Variants in NTNG1 observed in about 807,000 individuals in gnomAD.
NTNG1 encodes the protein netrin G1, also known as netrin-G1.
A neutral mutation model predicts 54.0 loss-of-function variants in NTNG1; 16 were observed. That is an observed-to-expected ratio of 0.30 (90% CI 0.20 to 0.45). The LOEUF (loss-of-function observed/expected upper bound fraction) is 0.45. NTNG1 is among the 20% of genes least tolerant of loss of function. The pLI is 1.00. For synonymous variants in NTNG1, 255 were observed against 263.1 expected (o/e 0.97, Z 0.30); for missense variants, 530 against 678.7 (o/e 0.78, Z 2.43).
chr1:107,170,505 T>A (rs1203192840), intron 2 of NTNG1, among the ~76,000 whole-genome samples: 2 of 152,040 alleles, frequency 1.3e-5, no homozygotes, highest in African/African-American at 2.4e-5. Flanking sequence ...AAGCAAAAAA[T>A]TTTTGTCACT....
At chr1:107,290,868 TA>T (rs1420190119) in intron 2 of NTNG1, among the ~76,000 whole-genome samples, 2 of 149,900 alleles carry the variant, frequency 1.3e-5, no homozygotes, top group Non-Finnish European at 3.0e-5. Flanking sequence ...ATATATTGAA[TA>T]AAAAAAGGAA....
intron 2 of NTNG1, among the ~76,000 whole-genome samples, chr1:107,298,316 CTT>C (rs148059940): frequency 0.042 from 6,378 of 152,178 alleles, 149 homozygotes; most frequent in Non-Finnish European, 0.052. Context: ...AGGAAAGTCA[CTT>C]TACTTCGACA....
chr1:107,483,161 A>T lies in NTNG1; in HGVS notation c.*2321A>T, dbSNP rs1198529792. ...TTAAGTTGTCTTATAGTTTATTAGC[A>T]CAAACCAAAGGCAGCCCATGTTATT... is the stretch of plus-strand genomic sequence containing the variant. On this transcript the variant is annotated 3_prime_UTR_variant, in exon 8 of 8. Coordinates refer to ENST00000370068, the MANE Select transcript of NTNG1 (RefSeq NM_001113226.3). 2.0e-5 allele frequency: 3 copies of T among 152,238 alleles called. No homozygotes were observed. Among genetic ancestry groups the T allele is most frequent in the Non-Finnish European group, 2.9e-5 (2 of 68,052 alleles). The allele number at this position is 152,238 out of a possible 1,614,324, so 9.4% of individuals were successfully genotyped here.
intron 2 of NTNG1, among the ~76,000 whole-genome samples, chr1:107,290,951 CATATATATATATT>C (rs1354869178): frequency 7.4e-6 from 1 of 135,100 alleles, no homozygotes; most frequent in African/African-American, 3.1e-5. Context: ...TTTTAAAGTG[CATATATATATATT>C]ATATATATAT....
intron 3 of NTNG1, among the ~76,000 whole-genome samples, chr1:107,329,914 AATG>A (rs935564026): frequency 1.5e-4 from 23 of 152,140 alleles, no homozygotes; most frequent in Non-Finnish European, 2.6e-4. Context: ...ACAAAAAAAA[AATG>A]ATGATAATGT....
intron 2 of NTNG1, among the ~76,000 whole-genome samples, chr1:107,263,272 G>GCTTCCTTCCTTCCTTC (rs58443542): frequency 7.5e-4 from 109 of 146,270 alleles, no homozygotes; most frequent in African/African-American, 2.5e-3. Context: ...AGGTTAGCTT[G>GCTTCCTTCCTTCCTTC]CTTCCTTCCT....
chr1:107,343,711 C>T (rs958734801), intron 3 of NTNG1, among the ~76,000 whole-genome samples: 3 of 152,092 alleles, frequency 2.0e-5, no homozygotes, highest in African/African-American at 7.2e-5. Context: ...TGGAGATGGG[C>T]AGCCCTGCAG....
At chr1:107,158,491 A>G (rs1461628268) in intron 2 of NTNG1, among the ~76,000 whole-genome samples, 1 of 152,188 alleles carries the variant, frequency 6.6e-6, no homozygotes, top group Admixed American at 6.6e-5. Context: ...TTGCTCCAGT[A>G]CAAAGAAATA....
rs148361405 is a variant in NTNG1, at chr1:107,432,670, A to G, written c.1255+1753A>G. Among the ~76,000 whole-genome samples, 871 of 152,294 alleles carry G rather than the reference A, an allele frequency of 5.7e-3. 12 individuals are homozygous for G. Among genetic ancestry groups the G allele is most frequent in the African/African-American group, 0.02 (832 of 41,566 alleles). ...CTATAGATAGGTAAACACCAGAAAA[A>G]CTAAAATAAATAGGAACACAGGATA... On this transcript the variant is annotated intron_variant, in intron 6 of 7. Coordinates refer to ENST00000370068, the MANE Select transcript of NTNG1 (RefSeq NM_001113226.3).
intron 2 of NTNG1, among the ~76,000 whole-genome samples, chr1:107,295,440 TA>T (rs1401125866): frequency 2.0e-5 from 3 of 152,198 alleles, no homozygotes; most frequent in African/African-American, 7.2e-5. Flanking sequence ...CCCTGTGCCA[TA>T]ATGAAGCTGC....
intron 7 of NTNG1, among the ~76,000 whole-genome samples, chr1:107,456,313 G>A (rs932638761): frequency 1.3e-5 from 2 of 152,112 alleles, no homozygotes; most frequent in Admixed American, 1.3e-4. Flanking sequence ...GAGCTAGCTG[G>A]GTTTAACAAA....
At chr1:107,445,461 T>C (rs999281385) in intron 7 of NTNG1, among the ~76,000 whole-genome samples, 3 of 152,274 alleles carry the variant, frequency 2.0e-5, no homozygotes, top group South Asian at 2.1e-4. Context: ...GAGCCCTTTG[T>C]ATGTGTCGGG....
chr1:107,171,896 CTT>C (rs11306051), intron 2 of NTNG1, among the ~76,000 whole-genome samples: 1 of 151,546 alleles, frequency 6.6e-6, no homozygotes, highest in Non-Finnish European at 1.5e-5. Context: ...ATTTTTTCCC[CTT>C]TTTTTTTGTT....
At chr1:107,157,283 G>T (rs557101775) in intron 2 of NTNG1, among the ~76,000 whole-genome samples, 10 of 152,082 alleles carry the variant, frequency 6.6e-5, no homozygotes, top group Non-Finnish European at 1.3e-4. Context: ...CTGTTGTATA[G>T]TATTCTAGCA....
In NTNG1 at chr1:107,233,945, G is replaced by A. The variant is rs1316151304; in HGVS notation, c.246+85106G>A. ...TTCAGAATAAGAGTTGCATTAGATCGAGGGGCGGATAATTAGCTGAACTAA... is the reference window on the plus strand; with the variant it reads ...TTCAGAATAAGAGTTGCATTAGATCAAGGGGCGGATAATTAGCTGAACTAA... On this transcript the variant is annotated intron_variant, in intron 2 of 7. Coordinates refer to ENST00000370068, the MANE Select transcript of NTNG1 (RefSeq NM_001113226.3). Among the ~76,000 whole-genome samples the A allele has an allele frequency of 2.0e-5, 3 of 152,140 alleles. No individual in the cohort carries two copies. In the East Asian group the frequency reaches 5.8e-4, roughly 29 times the overall value.
chr1:107,152,620 T>A (rs1654664906), intron 2 of NTNG1, among the ~76,000 whole-genome samples: 1 of 152,184 alleles, frequency 6.6e-6, no homozygotes, highest in Non-Finnish European at 1.5e-5. Flanking sequence ...GAAGTGCTGA[T>A]CACTGTAGAA....
Position 107,399,627 on chromosome 1 carries a change from A to G in NTNG1, c.1060+4301A>G, listed in dbSNP as rs531286311. On this transcript the variant is annotated intron_variant, in intron 4 of 7. Transcript: ENST00000370068. ...TACATTAGTCCATTCTAAACTCAAAATAGTCTTACAAGGCAAATACTACTA... is the reference window on the plus strand; with the variant it reads ...TACATTAGTCCATTCTAAACTCAAAGTAGTCTTACAAGGCAAATACTACTA... 1.7e-3 allele frequency among the ~76,000 whole-genome samples: 261 copies of G among 152,260 alleles called. 1 individual carries two copies. Among genetic ancestry groups the G allele is most frequent in the Middle Eastern group, 0.01 (3 of 294 alleles).
rs181214457 is a variant in NTNG1, at chr1:107,475,735, G to A, written c.1391-4876G>A. Among the ~76,000 whole-genome samples, 407 of 152,246 alleles carry A rather than the reference G, an allele frequency of 2.7e-3. 3 individuals are homozygous for A. Among genetic ancestry groups the A allele is most frequent in the African/African-American group, 9.3e-3 (386 of 41,538 alleles). On this transcript the variant is annotated intron_variant, in intron 7 of 7. Transcript: ENST00000370068. ...CTGATGCCCTGACCCAGGCCTTATC[G>A]TTTTATCTTTTACATTAATTGAGAA...
chr1:107,173,696 TTTTTTTC>T (rs1656424279), intron 2 of NTNG1, among the ~76,000 whole-genome samples: 1 of 151,896 alleles, frequency 6.6e-6, no homozygotes, highest in South Asian at 2.1e-4. Context: ...GTAGCTCTTT[TTTTTTTC>T]TTTTTTCTTT....
Sources: allele counts gnomAD v4.1 joint callset (sites outside exome capture counted in the v4.1 genomes callset), GRCh38; gene constraint gnomAD v4.1.1; transcripts MANE v1.5; gene names NCBI Gene and HGNC (gene_info 2026-07-23, HGNC 2026-07-21).